PCDHA4: variants seen among roughly 807,000 people sequenced by gnomAD.
PCDHA4 encodes the protein protocadherin alpha 4.
A neutral mutation model predicts 61.4 loss-of-function variants in PCDHA4; 49 were observed. That is an observed-to-expected ratio of 0.80 (90% confidence interval 0.63 to 1.01). The LOEUF (loss-of-function observed/expected upper bound fraction) is 1.01, where lower values mean the gene tolerates loss of function less well. Among genes scored for constraint, PCDHA4 ranks in the 50% least tolerant of loss-of-function variants. The pLI, the probability that PCDHA4 is intolerant of heterozygous loss-of-function variation, is 0.00. For synonymous variants in PCDHA4, 590 were observed against 550.3 expected, an observed-to-expected ratio of 1.07 and a Z score of -1.01; for missense variants, 1,254 against 1,235.8, an observed-to-expected ratio of 1.01 and a Z score of -0.22.
intron 1 of PCDHA4, among the ~76,000 whole-genome samples, chr5:140,943,863 G>T (rs2093580168): frequency 1.3e-5 from 2 of 152,186 alleles, no homozygotes; most frequent in Admixed American, 1.3e-4. Context: ...TCAAGAAGAG[G>T]TCTCTGAAGT....
At chr5:140,966,489 C>A in intron 1 of PCDHA4, 2 of 440,146 alleles carry the variant, frequency 4.5e-6, no homozygotes, top group Non-Finnish European at 7.9e-6. Flanking sequence ...TTCCCTCCCC[C>A]TGGAGCTGTA....
At chr5:140,836,737 A>T in intron 1 of PCDHA4, 1 of 1,603,604 alleles carries the variant, frequency 6.2e-7, no homozygotes, top group South Asian at 1.1e-5. Flanking sequence ...TCTACAGACA[A>T]TGTGAGTCAT....
intron 1 of PCDHA4, chr5:140,859,217 C>T (rs1409192343): frequency 6.7e-6 from 1 of 149,754 alleles, no homozygotes; most frequent in South Asian, 2.1e-4. Context: ...AGCTCTTTCA[C>T]TTTAAGGAAG....
intron 1 of PCDHA4, chr5:140,883,657 C>T: frequency 1.2e-6 from 2 of 1,613,594 alleles, no homozygotes; most frequent in Non-Finnish European, 1.7e-6. Context: ...ACACGGTGTT[C>T]GTGAAGGAAA....
In PCDHA4 at chr5:141,007,955, C is replaced by T. The variant is rs192197811; in HGVS notation, c.2534-1672C>T. ...CTAAGCCACCTTTTTGAGAACTGCT[C>T]ATTCTCTGGGTGTCTGTCATGTATA... On this transcript the variant is annotated intron_variant, in intron 3 of 3. Transcript: ENST00000530339. 2.6e-5 allele frequency among the ~76,000 whole-genome samples: 4 copies of T among 152,294 alleles called. No homozygotes were observed. In the East Asian group the frequency reaches 7.7e-4, roughly 29 times the overall value.
At chr5:140,938,606 T>G (rs2092130259) in intron 1 of PCDHA4, among the ~76,000 whole-genome samples, 1 of 152,166 alleles carries the variant, frequency 6.6e-6, no homozygotes, top group African/African-American at 2.4e-5. Flanking sequence ...AATCTTGCAT[T>G]CTTGGAATAA....
chr5:140,841,896 T>C (rs2150325058), intron 1 of PCDHA4: 14 of 1,613,838 alleles, frequency 8.7e-6, no homozygotes, highest in Non-Finnish European at 1.0e-5. Flanking sequence ...AATAAACTGG[T>C]TGAGCTCGTA....
At chr5:140,969,610 GA>G in intron 1 of PCDHA4, 1 of 723,542 alleles carries the variant, frequency 1.4e-6, no homozygotes, top group East Asian at 2.8e-5. Context: ...CTAAAACACA[GA>G]TTTGTAGAGA....
chr5:140,840,728 G>T (rs995381771), intron 1 of PCDHA4, among the ~76,000 whole-genome samples: 1 of 151,956 alleles, frequency 6.6e-6, no homozygotes, highest in Non-Finnish European at 1.5e-5. Context: ...ATAAAGAAAA[G>T]CAAAAATTTA....
chr5:140,872,164 TC>T (rs1346109895), intron 1 of PCDHA4, among the ~76,000 whole-genome samples: 1 of 151,498 alleles, frequency 6.6e-6, no homozygotes, highest in Non-Finnish European at 1.5e-5. Context: ...GATTTACTTT[TC>T]TTTTTTTTTT....
intron 1 of PCDHA4, chr5:140,928,635 A>T (rs148091714): frequency 1.6e-4 from 258 of 1,614,104 alleles, no homozygotes; most frequent in Non-Finnish European, 2.1e-4. Flanking sequence ...ACTTGGTCAC[A>T]AAAGTGGTAG....
At chr5:140,985,075 C>G (rs1477852280) in intron 3 of PCDHA4, among the ~76,000 whole-genome samples, 2 of 151,968 alleles carry the variant, frequency 1.3e-5, no homozygotes, top group Non-Finnish European at 2.9e-5. Context: ...GTAGCTGAGA[C>G]TACAGGCGTG....
chr5:140,858,066 AG>A, intron 1 of PCDHA4: 1 of 1,597,600 alleles, frequency 6.3e-7, no homozygotes, highest in Non-Finnish European at 8.6e-7. Flanking sequence ...GAGGGCAGCC[AG>A]GCACCCAAGG....
At chr5:140,829,172 G>A (rs2150163481) in intron 1 of PCDHA4, 2 of 1,614,134 alleles carry the variant, frequency 1.2e-6, no homozygotes, top group East Asian at 4.5e-5. Context: ...GCCTGTACGT[G>A]AAGACGCTCA....
intron 1 of PCDHA4, among the ~76,000 whole-genome samples, chr5:140,886,020 A>G (rs1402901328): frequency 2.0e-5 from 3 of 152,182 alleles, no homozygotes; most frequent in African/African-American, 7.2e-5. Flanking sequence ...GATGCTATGT[A>G]TTCTTCACTA....
chr5:140,879,908 T>G (rs1468115653), intron 1 of PCDHA4, among the ~76,000 whole-genome samples: 2 of 152,218 alleles, frequency 1.3e-5, no homozygotes, highest in Non-Finnish European at 2.9e-5. Context: ...TCTCTCTATG[T>G]GTTGGTTTTA....
At chr5:140,824,494 T>C (rs1768139235) in intron 1 of PCDHA4, 2 of 339,832 alleles carry the variant, frequency 5.9e-6, no homozygotes, top group South Asian at 3.6e-5. Flanking sequence ...AGACCCTTTG[T>C]TGCTTAGTCT....
intron 1 of PCDHA4, among the ~76,000 whole-genome samples, chr5:140,894,725 G>A (rs3776121): frequency 0.31 from 47,403 of 151,506 alleles, 8,352 homozygotes; most frequent in East Asian, 0.53. Context: ...CAAATATTAC[G>A]TAGCAATTTG....
chr5:140,842,171 C>T, intron 1 of PCDHA4: 8 of 1,613,804 alleles, frequency 5.0e-6, no homozygotes, highest in Non-Finnish European at 6.8e-6. Flanking sequence ...TTTTAATAGC[C>T]TTGTTGAAAC....
Sources: gnomAD v4.1 joint callset for allele counts (sites outside exome capture counted in the v4.1 genomes callset) on GRCh38, gnomAD v4.1.1 for gene constraint, MANE v1.5 for transcripts, NCBI Gene and HGNC (gene_info 2026-07-23, HGNC 2026-07-21) for gene names.